Variants in BTRC observed in about 807,000 individuals in gnomAD.
BTRC encodes beta-transducin repeat containing E3 ubiquitin protein ligase.
BTRC carries 42 observed loss-of-function variants against 85.5 expected under a neutral mutation model. The observed-to-expected ratio is 0.49, with a 90% CI of 0.38 to 0.64. The LOEUF is 0.64. BTRC is among the 30% of genes least tolerant of loss of function. The probability of loss-of-function intolerance (pLI) is 0.00; values close to 1 mark genes in which losing one functional copy is unlikely to be tolerated. For missense variants in BTRC, 594 were observed against 743.5 expected (o/e 0.80, Z 2.34); for synonymous variants, 255 against 263.3 (o/e 0.97, Z 0.30).
Position 101,439,368 on chromosome 10 carries a change from G to A in BTRC, c.156+8916G>A, listed in dbSNP as rs560547688. Among the ~76,000 whole-genome samples, 28 of 152,294 alleles carry A rather than the reference G, an allele frequency of 1.8e-4. No homozygotes were observed. The South Asian group carries it at 5.0e-3, about 27-fold the overall frequency. ...ATAAACAAGGTCGTGTTTCTGGTAC[G>A]TTGATCCGATGGTGTCCTGACCTCT... On this transcript the variant is annotated intron_variant, in intron 2 of 14. Transcript: ENST00000370187.
At chr10:101,408,358 A>G (rs1294751944) in intron 1 of BTRC, among the ~76,000 whole-genome samples, 5 of 151,918 alleles carry the variant, frequency 3.3e-5, no homozygotes, top group African/African-American at 4.8e-5. Context: ...CCAGGCTGAA[A>G]TGCAGTGGAG....
intron 3 of BTRC, among the ~76,000 whole-genome samples, chr10:101,478,328 G>A (rs968068607): frequency 1.3e-5 from 2 of 151,604 alleles, no homozygotes; most frequent in African/African-American, 4.8e-5. Context: ...GTAAGTGTTG[G>A]TTTATCTTTT....
chr10:101,456,527 G>A (rs1945088145), intron 2 of BTRC, among the ~76,000 whole-genome samples: 1 of 140,356 alleles, frequency 7.1e-6, no homozygotes, highest in Non-Finnish European at 1.5e-5. Context: ...AAATTTAGAT[G>A]TGTTGATTTT....
chr10:101,427,113 C>CTTTTTTTTTTTTTT (rs138285266), intron 1 of BTRC, among the ~76,000 whole-genome samples: 3 of 109,364 alleles, frequency 2.7e-5, no homozygotes, highest in Non-Finnish European at 3.6e-5. Flanking sequence ...TTTTTTCTTT[C>CTTTTTTTTTTTTTT]TTTTTTTTTT....
At chr10:101,466,186 C>T (rs906240155) in intron 3 of BTRC, among the ~76,000 whole-genome samples, 6 of 152,166 alleles carry the variant, frequency 3.9e-5, no homozygotes, top group African/African-American at 1.4e-4. Context: ...GTTGTCTAAT[C>T]CCTCTCCCAT....
intron 4 of BTRC, among the ~76,000 whole-genome samples, chr10:101,479,893 C>T (rs1478598281): frequency 6.6e-6 from 1 of 152,146 alleles, no homozygotes; most frequent in Non-Finnish European, 1.5e-5. Flanking sequence ...GTTGGAAATA[C>T]TGCTTTTGTT....
chr10:101,522,409 C>CTTTTTTTTTTTTTTTTTTTTTTT lies in BTRC; in HGVS notation c.556+545_556+567dup, dbSNP rs1176651688. Among the ~76,000 whole-genome samples, 7 of 29,544 alleles carry CTTTTTTTTTTTTTTTTTTTTTTT rather than the reference C, an allele frequency of 2.4e-4. 2 individuals carry two copies. Among genetic ancestry groups the CTTTTTTTTTTTTTTTTTTTTTTT allele is most frequent in the African/African-American group, 5.2e-4 (4 of 7,654 alleles). 19.4% of individuals were successfully genotyped at this position (29,544 alleles called of 152,430 possible). ...AAAAAAACTCTAGAAATAAAGACTC[C>CTTTTTTTTTTTTTTTTTTTTTTT]TTTTTTTTTTTTTTTTTTTTTTTTT... On this transcript the variant is annotated intron_variant, in intron 5 of 14. Coordinates refer to ENST00000370187, the MANE Select transcript of BTRC (RefSeq NM_033637.4).
intron 1 of BTRC, among the ~76,000 whole-genome samples, chr10:101,400,572 A>G (rs890325046): frequency 6.6e-6 from 1 of 152,148 alleles, no homozygotes; most frequent in African/African-American, 2.4e-5. Flanking sequence ...TATCAATGAG[A>G]AGGGTTTGCC....
At chr10:101,390,352 TTC>T (rs1433395506) in intron 1 of BTRC, among the ~76,000 whole-genome samples, 230 of 137,626 alleles carry the variant, frequency 1.7e-3, no homozygotes, top group Middle Eastern at 3.8e-3. Flanking sequence ...TTTTTTTTTT[TTC>T]CGAGACGGAG....
chr10:101,489,037 A>G (rs1018465918), intron 4 of BTRC, among the ~76,000 whole-genome samples: 1 of 152,144 alleles, frequency 6.6e-6, no homozygotes, highest in African/African-American at 2.4e-5. Flanking sequence ...AACTCATTGT[A>G]CAAAAGTACC....
intron 1 of BTRC, among the ~76,000 whole-genome samples, chr10:101,425,689 A>G (rs1399051293): frequency 2.0e-5 from 3 of 150,866 alleles, no homozygotes; most frequent in African/African-American, 4.9e-5. Context: ...GCACGCCTGT[A>G]GTCCCAGCTA....
intron 1 of BTRC, among the ~76,000 whole-genome samples, chr10:101,394,178 G>A (rs1484390770): frequency 2.0e-5 from 3 of 152,134 alleles, no homozygotes; most frequent in African/African-American, 4.8e-5. Context: ...TATGAAAGAA[G>A]GGGACTCTGG....
At chr10:101,390,007 A>T (rs1334068082) in intron 1 of BTRC, among the ~76,000 whole-genome samples, 2 of 152,070 alleles carry the variant, frequency 1.3e-5, no homozygotes, top group African/African-American at 2.4e-5. Context: ...TTTATCCTTT[A>T]TATCTCAGTT....
chr10:101,542,715 G>C (rs2062486660), intron 13 of BTRC, among the ~76,000 whole-genome samples: 1 of 152,250 alleles, frequency 6.6e-6, no homozygotes, highest in Non-Finnish European at 1.5e-5. Context: ...GGGACCACAG[G>C]CGTGCGCCAC....
At position 101,461,988 on chromosome 10, in the gene BTRC, C is replaced by G. The variant is rs1945238801; in HGVS notation, c.164C>G (p.Ser55Ter). The G allele has an allele frequency of 4.4e-6, 7 of 1,609,028 alleles. No individual in the cohort carries two copies. Among genetic ancestry groups the G allele is most frequent in the African/African-American group, 1.3e-5 (1 of 74,760 alleles). The change falls in exon 3 of 15, where the codon TCA (serine) becomes TGA (stop). Residue 55 changes from serine (S) to a stop codon, truncating the protein, a stop_gained. Transcript: ENST00000370187. LOFTEE classifies it high-confidence loss of function. ...TGALTAFQNS[S>*]EREDCNNGEP... is the part of the protein sequence containing the mutation. Reference sequence around the variant, plus strand: ...GCTTACTTTCTTTCACAGAATTCCTCAGAGAGAGAAGACTGTAATAATGGC... The same window carrying G: ...GCTTACTTTCTTTCACAGAATTCCTGAGAGAGAGAAGACTGTAATAATGGC...
chr10:101,547,334 T>C (rs112050586), intron 13 of BTRC, among the ~76,000 whole-genome samples: 194 of 123,146 alleles, frequency 1.6e-3, no homozygotes, highest in Non-Finnish European at 2.2e-3. Context: ...TTTTCTTTTT[T>C]TTTTTTTTTT....
At position 101,522,292 on chromosome 10, in the gene BTRC, G is replaced by A. The variant is rs1304978790; in HGVS notation, c.556+422G>A. Among the ~76,000 whole-genome samples the A allele has an allele frequency of 5.3e-4, 70 of 132,110 alleles. 1 individual carries two copies. Among genetic ancestry groups the A allele is most frequent in the African/African-American group, 1.9e-4 (7 of 36,286 alleles). The allele number at this position is 132,110 out of a possible 152,430, so 86.7% of individuals were successfully genotyped here. A position where few individuals can be genotyped will look rare whatever the true frequency, so the allele number is the denominator to read the frequency against. ...CCTGACCTCGTGGTCCACCTGCCTCGGCCTCCCAAAGTGCTGGGATTACAG... is the reference window on the plus strand; with the variant it reads ...CCTGACCTCGTGGTCCACCTGCCTCAGCCTCCCAAAGTGCTGGGATTACAG... On this transcript the variant is annotated intron_variant, in intron 5 of 14. Coordinates refer to ENST00000370187, the MANE Select transcript of BTRC (RefSeq NM_033637.4).
intron 1 of BTRC, among the ~76,000 whole-genome samples, chr10:101,355,209 T>C (rs1941999874): frequency 6.6e-6 from 1 of 152,060 alleles, no homozygotes; most frequent in Admixed American, 6.6e-5. Flanking sequence ...CAAAGACCCA[T>C]AAGAAGTGAT....
intron 3 of BTRC, among the ~76,000 whole-genome samples, chr10:101,464,541 A>T (rs11191020): frequency 6.3e-4 from 20 of 31,822 alleles, no homozygotes; most frequent in South Asian, 1.7e-3. Flanking sequence ...CTTCCCCCCC[A>T]CCCCCCCCAT....
Sources: allele counts gnomAD v4.1 joint callset (sites outside exome capture counted in the v4.1 genomes callset), GRCh38; gene constraint gnomAD v4.1.1; transcripts MANE v1.5; gene names NCBI Gene and HGNC (gene_info 2026-07-23, HGNC 2026-07-21).